Variants in CNST observed in about 807,000 individuals in gnomAD.
The protein encoded by CNST is consortin, connexin sorting protein.
Under a neutral mutation model 72.4 loss-of-function variants are expected in CNST, and 39 were observed. The ratio of observed to expected loss-of-function variants is 0.54; its 90% confidence interval spans 0.42 to 0.70. CNST has a LOEUF of 0.70. CNST is among the 30% of genes least tolerant of loss of function. CNST has a pLI of 0.00. For synonymous variants in CNST, 332 were observed against 320.1 expected (o/e 1.04, Z -0.40); for missense variants, 871 against 868.5 (o/e 1.00, Z -0.04).
intron 2 of CNST, among the ~76,000 whole-genome samples, chr1:246,620,628 A>C (rs113517024): frequency 0.2 from 12,401 of 62,294 alleles, 4 homozygotes; most frequent in Middle Eastern, 0.26. Context: ...GGGCTCTGGG[A>C]ACACTCTACA....
At chr1:246,657,227 G>A (rs997889961) in intron 9 of CNST, among the ~76,000 whole-genome samples, 5 of 152,216 alleles carry the variant, frequency 3.3e-5, no homozygotes, top group Non-Finnish European at 5.9e-5. Context: ...AGAAAGGCTC[G>A]ATGCTGTCCG....
rs1365999939 is a variant in CNST at position 246,639,403 on chromosome 1, A to T, written c.819-2346A>T. ...ATATCCCACTAGTCCTAGAAAAGAGAGAATTTCTTGCTTAGTTTGCGGAGG... is the reference window on the plus strand; with the variant it reads ...ATATCCCACTAGTCCTAGAAAAGAGTGAATTTCTTGCTTAGTTTGCGGAGG... On this transcript the variant is annotated intron_variant, in intron 6 of 10. Coordinates refer to ENST00000366513, the MANE Select transcript of CNST (RefSeq NM_152609.3). 2.0e-5 allele frequency among the ~76,000 whole-genome samples: 3 copies of T among 152,090 alleles called. No individual in the cohort carries two copies. The East Asian group carries it at 5.8e-4, about 29-fold the overall frequency.
intron 3 of CNST, among the ~76,000 whole-genome samples, chr1:246,629,800 C>T (rs943488212): frequency 6.6e-6 from 1 of 152,094 alleles, no homozygotes; most frequent in Non-Finnish European, 1.5e-5. Context: ...GGCGCAATTT[C>T]GGCTCACTGC....
At chr1:246,600,658 AT>A (rs955650757) in intron 2 of CNST, among the ~76,000 whole-genome samples, 1 of 152,208 alleles carries the variant, frequency 6.6e-6, no homozygotes, top group African/African-American at 2.4e-5. Flanking sequence ...CCATTTATTG[AT>A]TTATTGAGCA....
intron 8 of CNST, among the ~76,000 whole-genome samples, chr1:246,645,775 A>G (rs1666026134): frequency 6.6e-6 from 1 of 152,158 alleles, no homozygotes; most frequent in African/African-American, 2.4e-5. Flanking sequence ...GTGTACCAAT[A>G]AAGCGAGGAT....
chr1:246,634,400 A>G, intron 5 of CNST, 73 bp from the exon 6 acceptor site: 3 of 802,050 alleles, frequency 3.7e-6, no homozygotes, highest in Non-Finnish European at 6.0e-6. Context: ...GGTGCTAGTT[A>G]ACTGTTTGTT....
chr1:246,586,168 A>C (rs1448772912), intron 1 of CNST, among the ~76,000 whole-genome samples: 1 of 147,190 alleles, frequency 6.8e-6, no homozygotes, highest in African/African-American at 2.5e-5. Flanking sequence ...TATGCTTATA[A>C]GCAAAGATAT....
At position 246,567,788 on chromosome 1, in the gene CNST, GAC is replaced by G. The variant is rs541790949; in HGVS notation, c.-52+1127_-52+1128del. Among the ~76,000 whole-genome samples, 523 of 152,178 alleles carry G rather than the reference GAC, an allele frequency of 3.4e-3. 4 individuals are homozygous for G. Among genetic ancestry groups the G allele is most frequent in the African/African-American group, 0.012 (505 of 41,516 alleles). ...TCTTTTTTCGTACAGTTTTCTCACT[GAC>G]AATTTTCTAGAGGTGACTTTGCATC... On this transcript the variant is annotated intron_variant, in intron 1 of 10. Transcript: ENST00000366513.
intron 2 of CNST, among the ~76,000 whole-genome samples, chr1:246,604,201 C>G (rs1264106646): frequency 6.6e-6 from 1 of 152,030 alleles, no homozygotes; most frequent in Non-Finnish European, 1.5e-5. Context: ...CTGCAGTGAG[C>G]CGATATCGCG....
At chr1:246,643,513 G>C (rs999866997) in intron 8 of CNST, among the ~76,000 whole-genome samples, 2 of 152,210 alleles carry the variant, frequency 1.3e-5, no homozygotes, top group African/African-American at 2.4e-5. Context: ...ACCTCCTCCT[G>C]CTTGGCCTCT....
chr1:246,586,988 C>T (rs1179718891), intron 1 of CNST, among the ~76,000 whole-genome samples: 1 of 152,130 alleles, frequency 6.6e-6, no homozygotes, highest in African/African-American at 2.4e-5. Context: ...ATAATAGCAG[C>T]GTGACTGAGG....
intron 1 of CNST, among the ~76,000 whole-genome samples, chr1:246,574,231 C>T (rs368818730): frequency 2.4e-4 from 37 of 152,124 alleles, no homozygotes; most frequent in African/African-American, 8.4e-4. Context: ...TTATTAGAGA[C>T]GGGATTTCAC....
chr1:246,617,297 A>G (rs1663774643), intron 2 of CNST, among the ~76,000 whole-genome samples: 1 of 152,226 alleles, frequency 6.6e-6, no homozygotes, highest in Non-Finnish European at 1.5e-5. Context: ...ATAATAACCT[A>G]AGCAATTTAA....
At chr1:246,631,964 CT>C in intron 4 of CNST, 40 bp downstream of exon 4, 2 of 1,156,100 alleles carry the variant, frequency 1.7e-6, no homozygotes, top group Non-Finnish European at 2.5e-6. Context: ...TTTTAGAACT[CT>C]TACAGAACCA....
chr1:246,614,319 G>C (rs959508513), intron 2 of CNST, among the ~76,000 whole-genome samples: 8 of 152,002 alleles, frequency 5.3e-5, no homozygotes, highest in Admixed American at 5.2e-4. Flanking sequence ...CATGAAGTTA[G>C]GTATAGAATT....
rs1371485671 is a variant in CNST, at chr1:246,666,895, A to G, written c.*990A>G. The G allele has an allele frequency of 1.3e-5, 2 of 152,244 alleles. No individual in the cohort carries two copies. Among genetic ancestry groups the G allele is most frequent in the Non-Finnish European group, 2.9e-5 (2 of 68,034 alleles). The allele number at this position is 152,244 out of a possible 1,614,324, so 9.4% of individuals were successfully genotyped here. A position where few individuals can be genotyped will look rare whatever the true frequency, so the allele number is the denominator to read the frequency against. On this transcript the variant is annotated 3_prime_UTR_variant, in exon 11 of 11. Transcript: ENST00000366513. ...CAGTACTTTGCTGAGTGAAATCACC[A>G]TATAGAATTCAGTATTAACAGATCA...
intron 1 of CNST, among the ~76,000 whole-genome samples, chr1:246,581,555 A>G (rs1185663500): frequency 6.6e-6 from 1 of 152,192 alleles, no homozygotes; most frequent in Non-Finnish European, 1.5e-5. Context: ...GAGCCATCAC[A>G]CCCGGCCCAT....
At position 246,610,558 on chromosome 1, in the gene CNST, A is replaced by G. The variant is rs576118848; in HGVS notation, c.380-10871A>G. 6.6e-5 allele frequency among the ~76,000 whole-genome samples: 10 copies of G among 152,080 alleles called. No homozygotes were observed. The South Asian group carries it at 2.1e-3, about 32-fold the overall frequency. ...GTGATGTCTTTGTATTGAAAACCGG[A>G]CATTGGTGTATTATGATGTGGTAAC... is the stretch of plus-strand genomic sequence containing the variant. On this transcript the variant is annotated intron_variant, in intron 2 of 10. Coordinates refer to ENST00000366513, the MANE Select transcript of CNST (RefSeq NM_152609.3).
chr1:246,633,543 C>T (rs1002678367), intron 4 of CNST, among the ~76,000 whole-genome samples: 21 of 151,854 alleles, frequency 1.4e-4, no homozygotes, highest in East Asian at 3.9e-4. Context: ...GAGTTCGAGA[C>T]GAGCCTGGCT....
Sources: gnomAD v4.1 joint callset for allele counts (sites outside exome capture counted in the v4.1 genomes callset) on GRCh38, gnomAD v4.1.1 for gene constraint, MANE v1.5 for transcripts, NCBI Gene and HGNC (gene_info 2026-07-23, HGNC 2026-07-21) for gene names.